The following TRPM6 variants were observed in gnomAD, a reference collection of about 807,000 sequenced individuals.
The protein encoded by TRPM6 is transient receptor potential cation channel subfamily M member 6, also known as channel kinase 2.
In TRPM6, 111 loss-of-function variants were observed where a neutral mutation model predicts 247.6. The ratio of observed to expected loss-of-function variants is 0.45; its 90% CI spans 0.38 to 0.52. The LOEUF is 0.52. TRPM6 is among the 20% of genes least tolerant of loss of function. TRPM6 has a pLI of 0.00. For synonymous variants in TRPM6, 892 were observed against 853.8 expected (o/e 1.04, Z -0.78); for missense variants, 2,126 against 2,421.5 (o/e 0.88, Z 2.56).
chr9:74,855,107 T>C (rs1194833348), intron 3 of TRPM6, among the ~76,000 whole-genome samples: 1 of 152,262 alleles, frequency 6.6e-6, no homozygotes, highest in Non-Finnish European at 1.5e-5. Context: ...AACGGTCACA[T>C]AGTTTAAAAT....
chr9:74,838,199 A>T (rs1453710478), intron 5 of TRPM6, among the ~76,000 whole-genome samples: 1 of 152,214 alleles, frequency 6.6e-6, no homozygotes, highest in African/African-American at 2.4e-5. Flanking sequence ...CATTAAGTAA[A>T]ATGAAGCACG....
chr9:74,786,030 A>C lies in TRPM6; in HGVS notation c.2763T>G (p.Phe921Leu). Residue 921 changes from phenylalanine to leucine, a missense_variant, in exon 21 of 39, where the codon TTT becomes TTG. Physicochemically the swap from Phe to Leu is conservative, Grantham distance 22. Transcript: ENST00000360774. Reference protein sequence around the residue: ...NLTETVAIGLFSAGFVLRWGD... With the variant: ...NLTETVAIGLLSAGFVLRWGD... ...CCCATCGAAGGACGAAGCCAGCTGA[A>C]AACAGGCCAATGGCCACAGTTTCTG... 1 of 1,614,220 alleles carries C rather than the reference A, an allele frequency of 6.2e-7. No homozygotes were observed. The highest frequency in any genetic ancestry group is 8.5e-7 in the Non-Finnish European group (1 of 1,180,038).
At chr9:74,744,304 G>C in intron 31 of TRPM6, 159 bp from the exon 32 acceptor site, 1 of 733,148 alleles carries the variant, frequency 1.4e-6, no homozygotes, top group Non-Finnish European at 2.4e-6. Flanking sequence ...ACAGTATTGC[G>C]CATGGTATCC....
chr9:74,859,722 C>G (rs1045573752), intron 1 of TRPM6, among the ~76,000 whole-genome samples: 1 of 150,184 alleles, frequency 6.7e-6, no homozygotes, highest in Admixed American at 6.7e-5. Flanking sequence ...TGCAGTGAGC[C>G]GAGATTGCAC....
rs555688665 is a variant in TRPM6, at chr9:74,827,902, T to C, written c.717A>G (p.Thr239=). ...AGTGCGAGTGCATGCTGTTGAGTGT[T>C]GTGAGCTTGCTGAGGGGGTTATCCA... ...QTLDNPLSKL[T]TLNSMHSHFI... is the part of the protein sequence containing the mutation. Residue 239 remains threonine, a synonymous_variant, in exon 7 of 39, where the codon ACA becomes ACG. Coordinates refer to ENST00000360774, the MANE Select transcript of TRPM6 (RefSeq NM_017662.5). The C allele has an allele frequency of 3.1e-6, 5 of 1,614,114 alleles. No individual in the cohort carries two copies. In the Admixed American group the frequency reaches 8.3e-5, roughly 27 times the overall value.
intron 11 of TRPM6, 94 bp from the exon 12 acceptor site, chr9:74,812,527 CA>C: frequency 9.9e-7 from 1 of 1,012,232 alleles, no homozygotes; most frequent in Non-Finnish European, 1.4e-6. Context: ...TACACAAACA[CA>C]ATAATTTTAA....
At chr9:74,771,421 G>A (rs986432380) in intron 25 of TRPM6, among the ~76,000 whole-genome samples, 5 of 150,860 alleles carry the variant, frequency 3.3e-5, no homozygotes, top group African/African-American at 1.2e-4. Flanking sequence ...ACACACATGC[G>A]CACACACACA....
At chr9:74,828,496 G>A (rs1389706013) in intron 6 of TRPM6, among the ~76,000 whole-genome samples, 1 of 152,184 alleles carries the variant, frequency 6.6e-6, no homozygotes, top group African/African-American at 2.4e-5. Flanking sequence ...TGTGGTACAT[G>A]AGATTCACAA....
At chr9:74,737,787 G>A (rs148352895) in intron 36 of TRPM6, among the ~76,000 whole-genome samples, 8 of 152,254 alleles carry the variant, frequency 5.3e-5, no homozygotes, top group South Asian at 2.1e-4. Flanking sequence ...AGGACTAAAC[G>A]TTGACCTCAA....
intron 21 of TRPM6, among the ~76,000 whole-genome samples, chr9:74,785,117 G>GATA (rs377027600): frequency 6.6e-6 from 1 of 151,812 alleles, no homozygotes; most frequent in Admixed American, 6.6e-5. Context: ...ACATAATGAT[G>GATA]ATAATAATAA....
chr9:74,880,743 G>A (rs770843992), intron 1 of TRPM6, among the ~76,000 whole-genome samples: 1 of 151,968 alleles, frequency 6.6e-6, no homozygotes, highest in African/African-American at 2.4e-5. Context: ...GAAAATACAC[G>A]AAAGTATAAA....
chr9:74,748,398 C>T (rs1826121581), intron 30 of TRPM6, among the ~76,000 whole-genome samples: 1 of 152,146 alleles, frequency 6.6e-6, no homozygotes, highest in South Asian at 2.1e-4. Flanking sequence ...TAACTGTAAA[C>T]AGCCTCTGGC....
At chr9:74,853,028 G>A (rs576858791) in intron 3 of TRPM6, among the ~76,000 whole-genome samples, 27 of 140,622 alleles carry the variant, frequency 1.9e-4, no homozygotes, top group African/African-American at 6.5e-4. Flanking sequence ...CCGGCCCCCC[G>A]TCGTCTGAGA....
At chr9:74,753,010 G>A (rs945938616) in intron 28 of TRPM6, among the ~76,000 whole-genome samples, 6 of 151,628 alleles carry the variant, frequency 4.0e-5, no homozygotes, top group African/African-American at 1.5e-4. Flanking sequence ...CTACTCAGGA[G>A]GCTGAGGCAA....
intron 2 of TRPM6, among the ~76,000 whole-genome samples, chr9:74,856,377 C>T (rs1244854732): frequency 1.3e-5 from 2 of 151,874 alleles, no homozygotes; most frequent in East Asian, 1.9e-4. Flanking sequence ...GAGGTCGAGG[C>T]TTCAGTAAGC....
In TRPM6 at chr9:74,858,582, T is replaced by G. The variant is rs1333709888; in HGVS notation, c.113+87A>C. Reference sequence around the variant, plus strand: ...CTAACTTTATAGATATGATCAAAACTTCTAAACAAGTCATATTTCTAAGTT... The same window carrying G: ...CTAACTTTATAGATATGATCAAAACGTCTAAACAAGTCATATTTCTAAGTT... On this transcript the variant is annotated intron_variant, in intron 2 of 38. Coordinates refer to ENST00000360774, the MANE Select transcript of TRPM6 (RefSeq NM_017662.5). The G allele has an allele frequency of 4.8e-6, 4 of 827,384 alleles. No individual in the cohort carries two copies. The Admixed American group carries it at 1.0e-4, about 21-fold the overall frequency. The allele number at this position is 827,384 out of a possible 1,614,324, so 51.3% of individuals were successfully genotyped here.
intron 1 of TRPM6, among the ~76,000 whole-genome samples, chr9:74,881,265 C>T (rs992773878): frequency 1.3e-5 from 2 of 151,516 alleles, no homozygotes; most frequent in South Asian, 2.1e-4. Flanking sequence ...AGAAACCAAA[C>T]GCAAGCATAA....
rs751915776 is a variant in TRPM6, at chr9:74,785,970, G to C, written c.2823C>G (p.Ile941Met). The C allele has an allele frequency of 6.2e-7, 1 of 1,614,238 alleles. No individual in the cohort carries two copies. Among genetic ancestry groups the C allele is most frequent in the African/African-American group, 1.3e-5 (1 of 75,056 alleles). The change falls in exon 21 of 39, where the codon ATC becomes ATG. Residue 941 changes from isoleucine to methionine, a missense_variant. Physicochemically the swap from Ile to Met is conservative, Grantham distance 10 (BLOSUM62 1). This residue lies in a region of TRPM6 where 1,082 missense variants were observed against 1,307.9 expected (regional missense o/e 0.83). Coordinates refer to ENST00000360774, the MANE Select transcript of TRPM6 (RefSeq NM_017662.5). Reference protein sequence around the residue: ...DPPFHTAGRLIYCIDIIFWFS... With the variant: ...DPPFHTAGRLMYCIDIIFWFS... Reference sequence around the variant, plus strand: ...ACCAGAATATGATGTCTATGCAGTAGATCAGTCTTCCCGCTGTGTGAAAAG... The same window carrying C: ...ACCAGAATATGATGTCTATGCAGTACATCAGTCTTCCCGCTGTGTGAAAAG...
In TRPM6 at chr9:74,800,460, C is replaced by A. The variant is rs1828285584; in HGVS notation, c.2032G>T (p.Asp678Tyr). 6.2e-7 allele frequency: 1 copy of A among 1,613,912 alleles called. No homozygotes were observed. Among genetic ancestry groups the A allele is most frequent in the Non-Finnish European group, 8.5e-7 (1 of 1,179,976 alleles). The change falls in exon 17 of 39, where the codon GAC becomes TAC. Residue 678 changes from aspartate to tyrosine, a missense_variant. Physicochemically the swap from Asp to Tyr is radical, Grantham distance 160. Coordinates refer to ENST00000360774, the MANE Select transcript of TRPM6 (RefSeq NM_017662.5). ...YSKQFGQLAL[D>Y]LLEKAFKQNE... is the part of the protein sequence containing the mutation. ...TGCTTGAATGCCTTCTCCAACAAGTCCAGAGCCAGCTGGCCAAACTGTCTG... is the reference window on the plus strand; with the variant it reads ...TGCTTGAATGCCTTCTCCAACAAGTACAGAGCCAGCTGGCCAAACTGTCTG...
Sources: gnomAD v4.1 joint callset for allele counts (sites outside exome capture counted in the v4.1 genomes callset) on GRCh38, gnomAD v4.1.1 for gene constraint, gnomAD v4.1.1 regional missense constraint, MANE v1.5 for transcripts, NCBI Gene and HGNC (gene_info 2026-07-23, HGNC 2026-07-21) for gene names.